MROH1: variants seen among roughly 807,000 people sequenced by gnomAD.
The protein encoded by MROH1 is maestro heat-like repeat-containing protein family member 1.
In MROH1, 117 loss-of-function variants were observed where a neutral mutation model predicts 116.5. That is an observed-to-expected ratio of 1.00 (90% confidence interval 0.86 to 1.17). MROH1 has a LOEUF of 1.17. MROH1 is among the 50% of genes most tolerant of loss of function. MROH1 has a pLI of 0.00. For synonymous variants in MROH1, 921 were observed against 583.9 expected, an observed-to-expected ratio of 1.58 and a Z score of -8.32; for missense variants, 1,873 against 1,338.5, an observed-to-expected ratio of 1.40 and a Z score of -6.23.
At chr8:144,161,706 T>G (rs1300494710) in intron 2 of MROH1, among the ~76,000 whole-genome samples, 1 of 152,214 alleles carries the variant, frequency 6.6e-6, no homozygotes, top group African/African-American at 2.4e-5. Flanking sequence ...ATGTGCCCAT[T>G]TGTTTTGTTA....
At chr8:144,229,670 C>CA (rs1262471943) in intron 14 of MROH1, among the ~76,000 whole-genome samples, 1 of 152,072 alleles carries the variant, frequency 6.6e-6, no homozygotes, top group Non-Finnish European at 1.5e-5. Context: ...GTGTCTCAAA[C>CA]AAAAACAAAG....
Position 144,261,308 on chromosome 8 carries a change from C to CCAGG in MROH1, c.4803_4806dup (p.Gln1603AlafsTer31), listed in dbSNP as rs1845009627. On this transcript the variant is annotated frameshift_variant, in exon 43 of 44. Coordinates refer to ENST00000326134, the MANE Select transcript of MROH1 (RefSeq NM_032450.3). LOFTEE classifies it high-confidence loss of function. ...GGGTTCCTGGTGCTGCACTCGGAGC[C>CCAGG]CAGGCAGCAGCCGCAGGTGGACCTG... 1 of 727,900 alleles carries CCAGG rather than the reference C, an allele frequency of 1.4e-6. No homozygotes were observed. Among genetic ancestry groups the CCAGG allele is most frequent in the African/African-American group, 1.7e-5 (1 of 58,184 alleles). 45.1% of individuals were successfully genotyped at this position (727,900 alleles called of 1,614,324 possible). A position where few individuals can be genotyped will look rare whatever the true frequency, so the allele number is the denominator to read the frequency against.
chr8:144,154,112 T>A (rs1817499327), intron 1 of MROH1, among the ~76,000 whole-genome samples: 1 of 152,156 alleles, frequency 6.6e-6, no homozygotes, highest in Non-Finnish European at 1.5e-5. Flanking sequence ...TTGCCCAGGC[T>A]GGAGTGCAGT....
Position 144,168,403 on chromosome 8 carries a change from T to G in MROH1, c.131T>G (p.Leu44Arg). ...GGGGAGGCGCGGCCGGTGGAGACGC[T>G]CCGTGCCTGCGAGGAGTATCTGCGG... ...SLGEARPVET[L>R]RACEEYLRQH... The change falls in exon 4 of 44, where the codon CTC (leucine) becomes CGC (arginine). Residue 44 changes from leucine (L) to arginine (R), a missense_variant. Coordinates refer to ENST00000326134, the MANE Select transcript of MROH1 (RefSeq NM_032450.3). 6.2e-7 allele frequency: 1 copy of G among 1,611,368 alleles called. No individual in the cohort carries two copies. The highest frequency in any genetic ancestry group is 8.5e-7 in the Non-Finnish European group (1 of 1,179,386).
At chr8:144,232,855 C>T (rs1839214586) in intron 14 of MROH1, among the ~76,000 whole-genome samples, 1 of 150,462 alleles carries the variant, frequency 6.6e-6, no homozygotes, top group Non-Finnish European at 1.5e-5. Flanking sequence ...GAGACAGGGT[C>T]TTGCTTTGTT....
chr8:144,248,812 G>GC (rs1842352497), intron 31 of MROH1, 65 bp from the exon 32 acceptor site: 1 of 752,382 alleles, frequency 1.3e-6, no homozygotes, highest in African/African-American at 1.7e-5. Flanking sequence ...GAGACCCGAT[G>GC]CCTAACAGAA....
Position 144,180,004 on chromosome 8 carries a change from GTGTGGGGTCTCCTCAGCAGCCCCTCAGCA to G in MROH1, c.301-173_301-145del, listed in dbSNP as rs1825163921. On this transcript the variant is annotated intron_variant, in intron 5 of 43. Coordinates refer to ENST00000326134, the MANE Select transcript of MROH1 (RefSeq NM_032450.3). This position sits in a 1 kb window ranked among gnomAD's most constrained non-coding sequence, Gnocchi z 7.4. Reference sequence around the variant, plus strand: ...CTCACCAGGGCTCTGCTGCTCCTGCGTGTGGGGTCTCCTCAGCAGCCCCTCAGCAGAGGAGGCTGTGCCCGCCACCTTCC... The same window carrying G: ...CTCACCAGGGCTCTGCTGCTCCTGCGGAGGAGGCTGTGCCCGCCACCTTCC... 3.0e-5 allele frequency among the ~76,000 whole-genome samples: 1 copy of G among 32,978 alleles called. No homozygotes were observed. Among genetic ancestry groups the G allele is most frequent in the Non-Finnish European group, 1.3e-4 (1 of 7,914 alleles). 21.6% of individuals were successfully genotyped at this position (32,978 alleles called of 152,430 possible). A position where few individuals can be genotyped will look rare whatever the true frequency, so the allele number is the denominator to read the frequency against.
At chr8:144,232,213 C>G (rs1200287067) in intron 14 of MROH1, among the ~76,000 whole-genome samples, 1 of 152,182 alleles carries the variant, frequency 6.6e-6, no homozygotes, top group Non-Finnish European at 1.5e-5. Context: ...TTCTACCCTT[C>G]CCGGCCTCTG....
intron 14 of MROH1, among the ~76,000 whole-genome samples, chr8:144,229,948 C>T (rs1004266553): frequency 2.7e-5 from 4 of 150,334 alleles, no homozygotes; most frequent in African/African-American, 1.0e-4. Flanking sequence ...GCAGGAGAAT[C>T]ACTTGAACCT....
intron 4 of MROH1, chr8:144,175,361 G>C: frequency 4.4e-6 from 2 of 450,122 alleles, no homozygotes; most frequent in Non-Finnish European, 2.9e-6. Flanking sequence ...CCCCCTCCCA[G>C]CAACAGGTCT....
chr8:144,260,095 A>C, intron 38 of MROH1, 38 bp downstream of exon 38: 1 of 739,258 alleles, frequency 1.4e-6, no homozygotes, highest in Non-Finnish European at 2.5e-6. Flanking sequence ...CCCAGGCAGC[A>C]TGGGTGGGGG....
At chr8:144,149,656 C>G (rs932567653) in intron 1 of MROH1, among the ~76,000 whole-genome samples, 1 of 152,124 alleles carries the variant, frequency 6.6e-6, no homozygotes, top group Non-Finnish European at 1.5e-5. Flanking sequence ...TGTGCCGGTC[C>G]ACCCAGCTTG....
rs781998549 is a variant in MROH1, at chr8:144,234,891, C to CTTTTTTTTTTTTTTTTTTTTTTTTT, written c.1339-3846_1339-3845insTTTTTTTTTTTTTTTTTTTTTTTTT. On this transcript the variant is annotated intron_variant, in intron 14 of 43. Coordinates refer to ENST00000326134, the MANE Select transcript of MROH1 (RefSeq NM_032450.3). ...AGAAAAACAATTATCCTTTTTCTTT[C>CTTTTTTTTTTTTTTTTTTTTTTTTT]TTTTTTTTTTTTTTTTTTTGAGACA... is the stretch of plus-strand genomic sequence containing the variant. 1.9e-5 allele frequency among the ~76,000 whole-genome samples: 2 copies of CTTTTTTTTTTTTTTTTTTTTTTTTT among 103,566 alleles called. 1 individual carries two copies. The highest frequency in any genetic ancestry group is 7.7e-5 in the African/African-American group (2 of 26,016). 67.9% of individuals were successfully genotyped at this position (103,566 alleles called of 152,430 possible).
At chr8:144,174,458 G>A (rs1344430252) in intron 4 of MROH1, among the ~76,000 whole-genome samples, 2 of 151,424 alleles carry the variant, frequency 1.3e-5, no homozygotes, top group Non-Finnish European at 2.9e-5. Flanking sequence ...AACCAACCCT[G>A]GAACACAAGT....
At chr8:144,260,648 A>G in intron 39 of MROH1, 29 bp from the exon 40 acceptor site, 1 of 776,036 alleles carries the variant, frequency 1.3e-6, no homozygotes, top group South Asian at 1.3e-5. Context: ...ACAGCCTGTG[A>G]GGAGACGTAT....
At position 144,200,587 on chromosome 8, in the gene MROH1, A is replaced by G. The variant is rs537616923; in HGVS notation, c.1141+46A>G. On this transcript the variant is annotated intron_variant, in intron 12 of 43. Transcript: ENST00000326134. ...CTGGCCGCCACCCCTGGCCATGTCC[A>G]GGATGGAGCAGGTCCTGGCAGATTG... 19 of 1,293,516 alleles carry G rather than the reference A, an allele frequency of 1.5e-5. No homozygotes were observed. In the African/African-American group the frequency reaches 2.6e-4, roughly 18 times the overall value. The allele number at this position is 1,293,516 out of a possible 1,614,324, so 80.1% of individuals were successfully genotyped here.
In MROH1 at chr8:144,243,863, G is replaced by A. The variant is rs1841423563; in HGVS notation, c.2476G>A (p.Glu826Lys). The change falls in exon 26 of 44, where the codon GAG becomes AAG. Residue 826 changes from glutamate (E) to lysine (K), a missense_variant and splice_region_variant. Transcript: ENST00000326134. Reference protein sequence around the residue: ...RKAELVAQMMEFIRAEPPDSL... With the variant: ...RKAELVAQMMKFIRAEPPDSL... ...TGAGTCATGCACCTGCCTCACCCAGGAGTTCATCAGGGCAGAGCCCCCGGA... is the reference window on the plus strand; with the variant it reads ...TGAGTCATGCACCTGCCTCACCCAGAAGTTCATCAGGGCAGAGCCCCCGGA... 23 of 779,352 alleles carry A rather than the reference G, an allele frequency of 3.0e-5. No individual in the cohort carries two copies. The South Asian group carries it at 3.1e-4, about 10-fold the overall frequency. The allele number at this position is 779,352 out of a possible 1,614,324, so 48.3% of individuals were successfully genotyped here. A position where few individuals can be genotyped will look rare whatever the true frequency, so the allele number is the denominator to read the frequency against.
At chr8:144,251,435 CTTT>C (rs1842832410) in intron 33 of MROH1, 2 of 152,168 alleles carry the variant, frequency 1.3e-5, no homozygotes, top group African/African-American at 2.4e-5. Context: ...CTTTCTTGTC[CTTT>C]TTTAGATTGA....
At chr8:144,208,103 AC>A (rs1233869194) in intron 12 of MROH1, among the ~76,000 whole-genome samples, 1 of 151,958 alleles carries the variant, frequency 6.6e-6, no homozygotes, top group Non-Finnish European at 1.5e-5. Flanking sequence ...ATGCCATCAC[AC>A]CGGCTAATTT....
Sources: allele counts gnomAD v4.1 joint callset (sites outside exome capture counted in the v4.1 genomes callset), GRCh38; gene constraint gnomAD v4.1.1; non-coding constraint Gnocchi (gnomAD v3.1); transcripts MANE v1.5; gene names NCBI Gene and HGNC (gene_info 2026-07-23, HGNC 2026-07-21).